The following HELZ variants were observed in gnomAD, a reference collection of about 807,000 sequenced individuals.
HELZ encodes the protein ATP-dependent RNA helicase with zinc finger domain.
A neutral mutation model predicts 218.2 loss-of-function variants in HELZ; 23 were observed. The observed-to-expected ratio is 0.11, with a 90% CI of 0.08 to 0.15. The LOEUF (loss-of-function observed/expected upper bound fraction) is 0.15. Ranked by LOEUF, HELZ falls within the 10% of genes least tolerant of loss-of-function variation. The probability of loss-of-function intolerance (pLI) is 1.00; values close to 1 mark genes in which losing one functional copy is unlikely to be tolerated. For missense variants in HELZ, 1,813 were observed against 2,353.7 expected (o/e 0.77, Z 4.75); for synonymous variants, 814 against 829.4 (o/e 0.98, Z 0.32).
chr17:67,167,418 T>C (rs774632760), intron 14 of HELZ, 45 bp downstream of exon 14: 1 of 1,350,234 alleles, frequency 7.4e-7, no homozygotes, highest in East Asian at 2.3e-5. Context: ...GAGCTGATAA[T>C]GAGGCTACAG....
chr17:67,098,584 A>G (rs551852235), intron 31 of HELZ, among the ~76,000 whole-genome samples: 21 of 151,850 alleles, frequency 1.4e-4, no homozygotes, highest in Non-Finnish European at 2.5e-4. Context: ...AAAAAAAAAA[A>G]AAAAGAAAAA....
At chr17:67,170,314 T>C (rs2039269645) in intron 13 of HELZ, among the ~76,000 whole-genome samples, 1 of 152,006 alleles carries the variant, frequency 6.6e-6, no homozygotes, top group Non-Finnish European at 1.5e-5. Flanking sequence ...CTATGTGGAG[T>C]GACCATTCTG....
intron 4 of HELZ, among the ~76,000 whole-genome samples, chr17:67,217,598 A>G (rs1377697207): frequency 2.6e-5 from 4 of 152,154 alleles, no homozygotes; most frequent in Non-Finnish European, 5.9e-5. Flanking sequence ...CAGGCCCCAC[A>G]GGCTTTGGTC....
chr17:67,171,399 T>C (rs773497923), intron 13 of HELZ, among the ~76,000 whole-genome samples: 4 of 152,170 alleles, frequency 2.6e-5, no homozygotes, highest in Non-Finnish European at 5.9e-5. Context: ...GGCACTGTCA[T>C]CCACGTAGGT....
chr17:67,237,110 C>T (rs978402019), intron 3 of HELZ, among the ~76,000 whole-genome samples: 1 of 152,090 alleles, frequency 6.6e-6, no homozygotes, highest in Non-Finnish European at 1.5e-5. Flanking sequence ...GAGGCCAAGG[C>T]GGGTGGATCA....
chr17:67,184,256 C>A (rs2039690744), intron 12 of HELZ, among the ~76,000 whole-genome samples: 1 of 152,200 alleles, frequency 6.6e-6, no homozygotes, highest in Non-Finnish European at 1.5e-5. Context: ...GGAAATAATG[C>A]ATGCTGCATT....
At chr17:67,192,208 TA>T (rs1039049487) in intron 9 of HELZ, among the ~76,000 whole-genome samples, 3 of 148,646 alleles carry the variant, frequency 2.0e-5, no homozygotes, top group Non-Finnish European at 3.0e-5. Context: ...GTCTCAAAAA[TA>T]AAAAAAAATA....
In HELZ at chr17:67,148,731, T is replaced by A; in HGVS notation, c.2476-17A>T. On this transcript the variant is annotated splice_polypyrimidine_tract_variant and intron_variant, in intron 19 of 32. Coordinates refer to ENST00000358691, the MANE Select transcript of HELZ (RefSeq NM_014877.4). ...AGGACTGAGCTGTAACAGACAAACA[T>A]ACAGAGAAAGTTTAACTGAACATAC... The A allele has an allele frequency of 6.3e-7, 1 of 1,592,648 alleles. No homozygotes were observed. Among genetic ancestry groups the A allele is most frequent in the Non-Finnish European group, 8.5e-7 (1 of 1,171,718 alleles).
rs1567828725 is a variant in HELZ, at chr17:67,133,889, A to G, written c.3182+2081T>C. Among the ~76,000 whole-genome samples the G allele has an allele frequency of 5.3e-5, 8 of 152,312 alleles. No individual in the cohort carries two copies. The South Asian group carries it at 1.4e-3, about 28-fold the overall frequency. On this transcript the variant is annotated intron_variant, in intron 23 of 32. Coordinates refer to ENST00000358691, the MANE Select transcript of HELZ (RefSeq NM_014877.4). ...TTCAACATGTGCTTTAATATATTAC[A>G]TTCTAATCAAATTGTATGTGCTGTC...
chr17:67,239,534 A>T (rs2041268676), intron 2 of HELZ, 45 bp from the exon 3 acceptor site: 1 of 152,278 alleles, frequency 6.6e-6, no homozygotes, highest in African/African-American at 2.4e-5. Flanking sequence ...AGTAGAAAAC[A>T]CCATTCACCA....
At chr17:67,111,726 C>A (rs140601635) in intron 28 of HELZ, among the ~76,000 whole-genome samples, 1 of 152,226 alleles carries the variant, frequency 6.6e-6, no homozygotes, top group Non-Finnish European at 1.5e-5. Flanking sequence ...GTGAGAAGCA[C>A]GACAATTCTA....
intron 3 of HELZ, among the ~76,000 whole-genome samples, chr17:67,231,337 T>C (rs566092053): frequency 6.6e-6 from 1 of 152,274 alleles, no homozygotes; most frequent in African/African-American, 2.4e-5. Flanking sequence ...CTCACGCATG[T>C]AATCCCAGCA....
intron 5 of HELZ, among the ~76,000 whole-genome samples, chr17:67,212,668 C>A (rs182826882): frequency 5.3e-4 from 81 of 152,180 alleles, no homozygotes; most frequent in African/African-American, 1.9e-3. Context: ...TAAAAAATGA[C>A]CATTTTTCAA....
chr17:67,159,402 G>A (rs1029663231), intron 17 of HELZ, among the ~76,000 whole-genome samples: 1 of 151,816 alleles, frequency 6.6e-6, no homozygotes, highest in African/African-American at 2.4e-5. Context: ...GATTACTGAA[G>A]AATTAAATAA....
At chr17:67,237,435 T>A (rs1433999751) in intron 3 of HELZ, among the ~76,000 whole-genome samples, 7 of 152,222 alleles carry the variant, frequency 4.6e-5, no homozygotes, top group African/African-American at 1.7e-4. Flanking sequence ...TTAAAGTCTC[T>A]GGGATTCTCA....
In HELZ at chr17:67,136,115, C is replaced by T. The variant is rs772054030; in HGVS notation, c.3037G>A (p.Glu1013Lys). The part of the protein sequence containing the change: ...KHKQTPIKKK[E>K]QLLEDSTEDL... ...TCTGTGGAATCTTCCAGAAGTTGCT[C>T]TTTCTTTTTAATTGGTGTCTGTTTA... Residue 1013 changes from glutamate (E) to lysine (K), a missense_variant, in exon 23 of 33, where the codon GAG becomes AAG. By Grantham distance (56) the Glu-to-Lys change is moderately conservative. Around this residue, in one of 4 missense-constraint regions of HELZ, gnomAD observed 156 missense variants for 274.4 expected, o/e 0.57. Transcript: ENST00000358691. 9.3e-6 allele frequency: 15 copies of T among 1,613,878 alleles called. No homozygotes were observed. The South Asian group carries it at 1.6e-4, about 18-fold the overall frequency.
chr17:67,238,817 A>G (rs569801074), intron 3 of HELZ, among the ~76,000 whole-genome samples: 67 of 152,380 alleles, frequency 4.4e-4, no homozygotes, highest in African/African-American at 1.5e-3. Flanking sequence ...CTGACCAAGA[A>G]GATTAATTAC....
intron 5 of HELZ, among the ~76,000 whole-genome samples, chr17:67,214,134 A>AT (rs1041947140): frequency 1.3e-5 from 2 of 151,810 alleles, no homozygotes; most frequent in East Asian, 1.9e-4. Flanking sequence ...GATAGCAGGG[A>AT]TTTTTTTAAA....
intron 3 of HELZ, among the ~76,000 whole-genome samples, chr17:67,237,110 C>A (rs978402019): frequency 6.6e-6 from 1 of 152,090 alleles, no homozygotes; most frequent in African/African-American, 2.4e-5. Context: ...GAGGCCAAGG[C>A]GGGTGGATCA....
Sources: allele counts gnomAD v4.1 joint callset (sites outside exome capture counted in the v4.1 genomes callset), GRCh38; gene constraint gnomAD v4.1.1; regional missense constraint gnomAD v4.1.1; transcripts MANE v1.5; gene names NCBI Gene and HGNC (gene_info 2026-07-23, HGNC 2026-07-21).